The following GGACT variants were observed in gnomAD, a reference collection of about 807,000 sequenced individuals.
The protein encoded by GGACT is gamma-glutamylamine cyclotransferase.
For missense variants in GGACT, 241 were observed against 233.2 expected, an observed-to-expected ratio of 1.03 and a Z score of -0.22; for synonymous variants, 118 against 115.3, an observed-to-expected ratio of 1.02 and a Z score of -0.15.
At chr13:100,571,936 C>CT (rs1875094320) in intron 2 of GGACT, among the ~76,000 whole-genome samples, 5 of 151,926 alleles carry the variant, frequency 3.3e-5, no homozygotes, top group Admixed American at 3.3e-4. Flanking sequence ...AAGTCTTAAC[C>CT]TTTTTTAACT....
chr13:100,540,952 A>G (rs1247298988), intron 2 of GGACT, among the ~76,000 whole-genome samples: 1 of 152,150 alleles, frequency 6.6e-6, no homozygotes, highest in Non-Finnish European at 1.5e-5. Flanking sequence ...TGAGAGCCAC[A>G]TGTTACTGTG....
At chr13:100,546,928 G>C (rs908993946) in intron 2 of GGACT, among the ~76,000 whole-genome samples, 5 of 152,148 alleles carry the variant, frequency 3.3e-5, no homozygotes, top group African/African-American at 9.7e-5. Context: ...TACGTCATCT[G>C]GCACGGCCCG....
chr13:100,568,026 T>C lies in GGACT; in HGVS notation c.-11+15799A>G, dbSNP rs377714648. ...TGAAGAACCAGGGCCCTACTTCCAA[T>C]TGAATCGGGTTCCTTTTCAAAACCT... On this transcript the variant is annotated intron_variant, in intron 2 of 2. Coordinates refer to ENST00000683975, the MANE Select transcript of GGACT (RefSeq NM_001195087.2). Among the ~76,000 whole-genome samples, 141 of 152,318 alleles carry C rather than the reference T, an allele frequency of 9.3e-4. 1 individual carries two copies. The highest frequency in any genetic ancestry group is 3.2e-3 in the African/African-American group (132 of 41,570).
rs185943066 is a variant in GGACT at position 100,586,505 on chromosome 13, G to A, written c.-184+2236C>T. Among the ~76,000 whole-genome samples the A allele has an allele frequency of 4.9e-3, 484 of 99,106 alleles. 4 individuals carry two copies. The highest frequency in any genetic ancestry group is 0.018 in the African/African-American group (458 of 24,914). 65.0% of individuals were successfully genotyped at this position (99,106 alleles called of 152,430 possible). A position where few individuals can be genotyped will look rare whatever the true frequency, so the allele number is the denominator to read the frequency against. ...CACCCCCGACCCCACCCCTCCTCTC[G>A]CGGAGTCCAGCCTCAGCACGCCAGT... is the stretch of plus-strand genomic sequence containing the variant. On this transcript the variant is annotated intron_variant, in intron 1 of 2. Transcript: ENST00000683975.
rs527855055 is a variant in GGACT, at chr13:100,540,834, G to C, written c.-10-8233C>G. ...CTCAGAACCGCAGCAGAATGTGCCT[G>C]TGATTCATTCTGGCTGAGAAAATGT... On this transcript the variant is annotated intron_variant, in intron 2 of 2. Coordinates refer to ENST00000683975, the MANE Select transcript of GGACT (RefSeq NM_001195087.2). Among the ~76,000 whole-genome samples, 9 of 152,334 alleles carry C rather than the reference G, an allele frequency of 5.9e-5. No homozygotes were observed. The East Asian group carries it at 1.7e-3, about 29-fold the overall frequency.
chr13:100,566,052 G>C (rs2088807802), intron 2 of GGACT, among the ~76,000 whole-genome samples: 1 of 152,214 alleles, frequency 6.6e-6, no homozygotes, highest in East Asian at 1.9e-4. Context: ...CCAACAGTCA[G>C]AAAGGACCAA....
chr13:100,544,317 G>A (rs1458068627), intron 2 of GGACT, among the ~76,000 whole-genome samples: 2 of 152,236 alleles, frequency 1.3e-5, no homozygotes, highest in Non-Finnish European at 1.5e-5. Flanking sequence ...CTGTGTGCGC[G>A]AGGCGGGCCC....
Position 100,530,495 on chromosome 13 carries a change from G to GTAGAC in GGACT, c.*1630_*1634dup. Reference sequence around the variant, plus strand: ...TACACATAGGCGACAGGCTCTGCCAGTAGACTACCAGCATTTCTTTGTGAT... The same window carrying GTAGAC: ...TACACATAGGCGACAGGCTCTGCCAGTAGACTAGACTACCAGCATTTCTTTGTGAT... On this transcript the variant is annotated 3_prime_UTR_variant, in exon 3 of 3. Coordinates refer to ENST00000683975, the MANE Select transcript of GGACT (RefSeq NM_001195087.2). 2.3e-6 allele frequency: 1 copy of GTAGAC among 428,218 alleles called. No homozygotes were observed. The highest frequency in any genetic ancestry group is 3.6e-5 in the Admixed American group (1 of 27,530). The allele number at this position is 428,218 out of a possible 1,614,324, so 26.5% of individuals were successfully genotyped here.
chr13:100,567,105 A>G (rs1442473013), intron 2 of GGACT, among the ~76,000 whole-genome samples: 1 of 152,166 alleles, frequency 6.6e-6, no homozygotes, highest in East Asian at 1.9e-4. Context: ...ACTGCCTCCT[A>G]TCAGACACCA....
chr13:100,562,315 C>T (rs1225283098), intron 2 of GGACT, among the ~76,000 whole-genome samples: 1 of 152,028 alleles, frequency 6.6e-6, no homozygotes, highest in African/African-American at 2.4e-5. Context: ...CTTAGTTTTG[C>T]ACAGAAAAAA....
chr13:100,543,197 C>T (rs1411610525), intron 2 of GGACT, among the ~76,000 whole-genome samples: 116 of 69,796 alleles, frequency 1.7e-3, no homozygotes, highest in South Asian at 2.3e-3. Context: ...AAGACACCAG[C>T]TTTTTTTTTT....
At chr13:100,580,406 G>A (rs1350493264) in intron 2 of GGACT, among the ~76,000 whole-genome samples, 4 of 152,358 alleles carry the variant, frequency 2.6e-5, no homozygotes, top group Admixed American at 6.5e-5. Context: ...AGAGCCGGGA[G>A]GTGTGCGACC....
chr13:100,565,729 A>G (rs796452754), intron 2 of GGACT, among the ~76,000 whole-genome samples: 4 of 152,116 alleles, frequency 2.6e-5, no homozygotes, highest in African/African-American at 9.6e-5. Context: ...TCCAACATGC[A>G]TGCCTGGATG....
rs572283751 is a variant in GGACT, at chr13:100,564,038, G to A, written c.-11+19787C>T. On this transcript the variant is annotated intron_variant, in intron 2 of 2. Transcript: ENST00000683975. ...TGTGGCCACCCTGGGCTGGACCTGC[G>A]GCTGGGGCTCCCCACGCCTGTTGAG... 3.7e-4 allele frequency among the ~76,000 whole-genome samples: 57 copies of A among 152,290 alleles called. 1 individual carries two copies. The highest frequency in any genetic ancestry group is 1.0e-3 in the South Asian group (5 of 4,822).
intron 2 of GGACT, among the ~76,000 whole-genome samples, chr13:100,580,472 T>C (rs1875383010): frequency 6.6e-6 from 1 of 152,232 alleles, no homozygotes. Context: ...GGAAGGACTT[T>C]CCATACAGCC....
intron 2 of GGACT, among the ~76,000 whole-genome samples, chr13:100,550,323 CA>C: frequency 7.0e-6 from 1 of 142,728 alleles, no homozygotes; most frequent in Admixed American, 6.9e-5. Flanking sequence ...CACACACACA[CA>C]CACACACACA....
At chr13:100,550,592 C>T (rs1273856876) in intron 2 of GGACT, among the ~76,000 whole-genome samples, 1 of 152,194 alleles carries the variant, frequency 6.6e-6, no homozygotes, top group East Asian at 1.9e-4. Flanking sequence ...GGACCCTAGA[C>T]ATTATTTAAA....
At position 100,588,768 on chromosome 13, in the gene GGACT, GGCAGGGCCAGGGCGGAAAT is replaced by G. The variant is rs1875665458; in HGVS notation, c.-230_-212del. ...GCCGGCAGCCGGGGCTGTCGGGGAGGGCAGGGCCAGGGCGGAAATGCAGGGCCGGGCCCGCGCCTCTGCT... is the reference window on the plus strand; with the variant it reads ...GCCGGCAGCCGGGGCTGTCGGGGAGGGCAGGGCCGGGCCCGCGCCTCTGCT... On this transcript the variant is annotated 5_prime_UTR_variant, in exon 1 of 3. Transcript: ENST00000683975. 6.6e-6 allele frequency: 1 copy of G among 151,858 alleles called. No homozygotes were observed. Among genetic ancestry groups the G allele is most frequent in the Admixed American group, 6.6e-5 (1 of 15,252 alleles). 9.4% of individuals were successfully genotyped at this position (151,858 alleles called of 1,614,324 possible). A position where few individuals can be genotyped will look rare whatever the true frequency, so the allele number is the denominator to read the frequency against.
chr13:100,532,326 T>G lies in GGACT; in HGVS notation c.266A>C (p.Gln89Pro). The G allele has an allele frequency of 6.5e-7, 1 of 1,549,914 alleles. No individual in the cohort carries two copies. The highest frequency in any genetic ancestry group is 2.4e-5 in the East Asian group (1 of 40,882). Residue 89 changes from glutamine (Q) to proline (P), a missense_variant, in exon 3 of 3, where the codon CAG becomes CCG. Gln to Pro is a moderately conservative substitution (Grantham distance 76). Coordinates refer to ENST00000683975, the MANE Select transcript of GGACT (RefSeq NM_001195087.2). ...DDFESCPALYQRTVLRVQLLE... is the reference protein window; with the variant it reads ...DDFESCPALYPRTVLRVQLLE... ...CAGCTGTACCCGCAGCACCGTGCGC[T>G]GGTACAGGGCCGGGCAACTCTCGAA...
Sources: allele counts gnomAD v4.1 joint callset (sites outside exome capture counted in the v4.1 genomes callset), GRCh38; gene constraint gnomAD v4.1.1; transcripts MANE v1.5; gene names NCBI Gene and HGNC (gene_info 2026-07-23, HGNC 2026-07-21).